MAD1L1: variants seen among roughly 807,000 people sequenced by gnomAD.
The protein encoded by MAD1L1 is mitotic spindle assembly checkpoint protein MAD1.
In MAD1L1, 95 loss-of-function variants were observed where a neutral mutation model predicts 96.9. The ratio of observed to expected loss-of-function variants is 0.98; its 90% CI spans 0.83 to 1.16. The LOEUF (loss-of-function observed/expected upper bound fraction) is 1.16. Ranked by LOEUF, MAD1L1 falls within the 50% of genes most tolerant of loss-of-function variation. The pLI is 0.00. For missense variants in MAD1L1, 1,007 were observed against 954.4 expected (o/e 1.06, Z -0.73); for synonymous variants, 473 against 396.6 (o/e 1.19, Z -2.29).
At chr7:1,899,896 G>A (rs1646681398) in intron 17 of MAD1L1, among the ~76,000 whole-genome samples, 1 of 152,244 alleles carries the variant, frequency 6.6e-6, no homozygotes. Context: ...AGTCTGCAGA[G>A]GAAGATGGAG....
Position 1,818,006 on chromosome 7 carries a change from G to A in MAD1L1, c.1999-1778C>T, listed in dbSNP as rs1781916557. Among the ~76,000 whole-genome samples, 3 of 151,774 alleles carry A rather than the reference G, an allele frequency of 2.0e-5. No homozygotes were observed. In the South Asian group the frequency reaches 6.2e-4, roughly 31 times the overall value. Reference sequence around the variant, plus strand: ...CTCCCCCTGCCCTCCCCCTGTTTCTGCTGCCTTAGTACATTTGGCCTTGTC... The same window carrying A: ...CTCCCCCTGCCCTCCCCCTGTTTCTACTGCCTTAGTACATTTGGCCTTGTC... On this transcript the variant is annotated intron_variant, in intron 18 of 18. Coordinates refer to ENST00000265854, the MANE Select transcript of MAD1L1 (RefSeq NM_001013836.2).
At chr7:2,191,887 C>T (rs1328319266) in intron 10 of MAD1L1, among the ~76,000 whole-genome samples, 2 of 151,824 alleles carry the variant, frequency 1.3e-5, no homozygotes, top group African/African-American at 2.4e-5. Context: ...AAAAACTAGC[C>T]GGGCGCAGTG....
intron 11 of MAD1L1, among the ~76,000 whole-genome samples, chr7:2,098,584 GC>G (rs571225225): frequency 5.2e-4 from 79 of 152,304 alleles, no homozygotes; most frequent in African/African-American, 1.8e-3. Context: ...GCTAAGGACG[GC>G]CCCCTCAAAC....
chr7:2,036,658 A>T (rs1439767228), intron 12 of MAD1L1, among the ~76,000 whole-genome samples: 2 of 152,170 alleles, frequency 1.3e-5, no homozygotes, highest in Non-Finnish European at 2.9e-5. Context: ...TGAACAGAAG[A>T]CAAAAGGAAG....
At chr7:1,859,434 G>A (rs866223071) in intron 18 of MAD1L1, among the ~76,000 whole-genome samples, 27 of 152,348 alleles carry the variant, frequency 1.8e-4, no homozygotes, top group African/African-American at 6.3e-4. Flanking sequence ...TTCGGCTACC[G>A]TGCAAAGGGC....
chr7:2,183,198 G>C (rs1791287280), intron 10 of MAD1L1, among the ~76,000 whole-genome samples: 1 of 150,130 alleles, frequency 6.7e-6, no homozygotes, highest in Non-Finnish European at 1.5e-5. Flanking sequence ...GGGTGACAGA[G>C]CAAGACTCTG....
At chr7:2,013,027 T>C (rs1782371565) in intron 13 of MAD1L1, among the ~76,000 whole-genome samples, 1 of 152,258 alleles carries the variant, frequency 6.6e-6, no homozygotes, top group Admixed American at 6.5e-5. Flanking sequence ...CTCCAGAAAT[T>C]CAGCTCCTCC....
chr7:2,082,098 G>T (rs1380022216), intron 11 of MAD1L1, among the ~76,000 whole-genome samples: 2 of 152,170 alleles, frequency 1.3e-5, no homozygotes, highest in African/African-American at 4.8e-5. Context: ...AGCAGAGACC[G>T]AGGAATAAAG....
intron 13 of MAD1L1, among the ~76,000 whole-genome samples, chr7:2,012,563 C>T (rs1454651223): frequency 1.3e-5 from 2 of 152,154 alleles, no homozygotes; most frequent in Non-Finnish European, 2.9e-5. Context: ...CACGGGATGG[C>T]TAGACACAGA....
At chr7:1,847,887 A>G (rs6978725) in intron 18 of MAD1L1, 26,505 of 365,064 alleles carry the variant, frequency 0.073, 1,593 homozygotes, top group African/African-American at 0.21. Flanking sequence ...TGTGACCTGC[A>G]ATGCTCCCAC....
chr7:1,859,730 C>G (rs538480666), intron 18 of MAD1L1, among the ~76,000 whole-genome samples: 1 of 152,124 alleles, frequency 6.6e-6, no homozygotes. Context: ...GTTCCCTAGA[C>G]GTGACATCCT....
At chr7:2,040,735 G>C (rs970529962) in intron 12 of MAD1L1, among the ~76,000 whole-genome samples, 1 of 152,170 alleles carries the variant, frequency 6.6e-6, no homozygotes, top group African/African-American at 2.4e-5. Context: ...AGGCTGTTCC[G>C]AGGCCCAAGG....
rs188704186 is a variant in MAD1L1, at chr7:1,871,528, G to A, written c.1998+26672C>T. On this transcript the variant is annotated intron_variant, in intron 18 of 18. Transcript: ENST00000265854. ...CTGAACTGACCATAACACCTGCCAC[G>A]CCGAACCCAACATATGCCTGCCACG... is the stretch of plus-strand genomic sequence containing the variant. Among the ~76,000 whole-genome samples the A allele has an allele frequency of 4.5e-4, 54 of 120,630 alleles. No homozygotes were observed. In the East Asian group the frequency reaches 8.0e-3, roughly 18 times the overall value. The allele number at this position is 120,630 out of a possible 152,430, so 79.1% of individuals were successfully genotyped here.
At chr7:2,011,421 G>A (rs889650471) in intron 13 of MAD1L1, among the ~76,000 whole-genome samples, 29 of 152,316 alleles carry the variant, frequency 1.9e-4, no homozygotes, top group African/African-American at 6.7e-4. Flanking sequence ...TTGGGGCCAC[G>A]TTCTCCCGAA....
At chr7:1,904,101 C>A (rs374146057) in intron 17 of MAD1L1, among the ~76,000 whole-genome samples, 1 of 118,858 alleles carries the variant, frequency 8.4e-6, no homozygotes, top group Non-Finnish European at 1.8e-5. Flanking sequence ...GACGCTCTTG[C>A]GGAACTCAAG....
At chr7:1,922,255 A>G (rs1049773243) in intron 17 of MAD1L1, among the ~76,000 whole-genome samples, 1 of 152,008 alleles carries the variant, frequency 6.6e-6, no homozygotes, top group African/African-American at 2.4e-5. Flanking sequence ...ACTGCGCTGC[A>G]CCCCACGAGC....
chr7:1,923,537 G>T (rs1788923183), intron 17 of MAD1L1, among the ~76,000 whole-genome samples: 2 of 126,724 alleles, frequency 1.6e-5, no homozygotes, highest in Admixed American at 1.6e-4. Flanking sequence ...TCCTGCGGAG[G>T]TACAGCCACA....
intron 12 of MAD1L1, among the ~76,000 whole-genome samples, chr7:2,060,289 C>T (rs111595851): frequency 1.3e-5 from 1 of 77,444 alleles, no homozygotes; most frequent in Non-Finnish European, 3.0e-5. Flanking sequence ...ATACGCCGAT[C>T]CCGAGATACG....
At chr7:2,226,569 C>A (rs1023504605) in intron 3 of MAD1L1, among the ~76,000 whole-genome samples, 1 of 152,236 alleles carries the variant, frequency 6.6e-6, no homozygotes, top group Non-Finnish European at 1.5e-5. Context: ...TTGGGTACGA[C>A]CTGCTCAGCT....
Sources: allele counts gnomAD v4.1 joint callset (sites outside exome capture counted in the v4.1 genomes callset), GRCh38; gene constraint gnomAD v4.1.1; transcripts MANE v1.5; gene names NCBI Gene and HGNC (gene_info 2026-07-23, HGNC 2026-07-21).